The following TBX4 variants were observed in gnomAD, a reference collection of about 807,000 sequenced individuals.
TBX4 encodes the protein T-box transcription factor TBX4.
A neutral mutation model predicts 54.6 loss-of-function variants in TBX4; 13 were observed. The observed-to-expected ratio is 0.24, with a 90% CI of 0.15 to 0.38. TBX4 has a LOEUF of 0.38. Ranked by LOEUF, TBX4 falls within the 10% of genes least tolerant of loss-of-function variation. TBX4 has a pLI of 1.00. For synonymous variants in TBX4, 314 were observed against 306.7 expected, an observed-to-expected ratio of 1.02 and a Z score of -0.25; for missense variants, 631 against 728.5, an observed-to-expected ratio of 0.87 and a Z score of 1.54.
intron 5 of TBX4, among the ~76,000 whole-genome samples, chr17:61,469,534 C>G (rs543033257): frequency 1.6e-4 from 24 of 152,324 alleles, no homozygotes; most frequent in Non-Finnish European, 3.2e-4. Context: ...CACACTTACC[C>G]AGTACTTGCA....
At chr17:61,456,951 T>C (rs1017241728) in intron 2 of TBX4, among the ~76,000 whole-genome samples, 1 of 152,148 alleles carries the variant, frequency 6.6e-6, no homozygotes, top group African/African-American at 2.4e-5. Flanking sequence ...GAGACCCCCG[T>C]AGCATCTGAG....
chr17:61,471,892 A>AT (rs35198276), intron 5 of TBX4, among the ~76,000 whole-genome samples: 798 of 72,908 alleles, frequency 0.011, 27 homozygotes, highest in African/African-American at 0.02. Flanking sequence ...TGCCCAGCTA[A>AT]TTTTTTTTTT....
chr17:61,460,568 G>A lies in TBX4; in HGVS notation c.281+2937G>A, dbSNP rs1245090057. 6.6e-6 allele frequency among the ~76,000 whole-genome samples: 1 copy of A among 152,120 alleles called. No homozygotes were observed. Among genetic ancestry groups the A allele is most frequent in the African/African-American group, 2.4e-5 (1 of 41,430 alleles). Reference sequence around the variant, plus strand: ...TGTCAGGTGTGAAATGGGGGCCACAGCCCTCCGCAGCCCGTCTCAGTCTCT... The same window carrying A: ...TGTCAGGTGTGAAATGGGGGCCACAACCCTCCGCAGCCCGTCTCAGTCTCT... On this transcript the variant is annotated intron_variant, in intron 3 of 8. Coordinates refer to ENST00000644296, the MANE Select transcript of TBX4 (RefSeq NM_001321120.2). The surrounding 1 kb of genome is among the most constrained non-coding windows in gnomAD (Gnocchi z 4.4).
Position 61,478,658 on chromosome 17 carries a change from C to T in TBX4, c.581C>T (p.Pro194Leu), listed in dbSNP as rs1291057135. 3 of 1,614,082 alleles carry T rather than the reference C, an allele frequency of 1.9e-6. No individual in the cohort carries two copies. The highest frequency in any genetic ancestry group is 1.1e-5 in the South Asian group (1 of 91,074). ...CTCAACTCTATGCACAAGTACCAGC[C>T]GCGGCTCCACATCGTTAAGGCTGAT... The part of the protein sequence containing the change: ...IILNSMHKYQ[P>L]RLHIVKADEN... The change falls in exon 6 of 9, where the codon CCG becomes CTG. Residue 194 changes from proline (P) to leucine (L), a missense_variant. Pro to Leu is a moderately conservative substitution (Grantham distance 98). Around this residue, in one of 3 missense-constraint regions of TBX4, gnomAD observed 154 missense variants for 238.6 expected, o/e 0.65. Coordinates refer to ENST00000644296, the MANE Select transcript of TBX4 (RefSeq NM_001321120.2). This position sits in a 1 kb window ranked among gnomAD's most constrained non-coding sequence, Gnocchi z 7.4.
chr17:61,483,446 C>G lies in TBX4; in HGVS notation c.1571C>G (p.Ser524Cys). 1 of 1,614,182 alleles carries G rather than the reference C, an allele frequency of 6.2e-7. No individual in the cohort carries two copies. Among genetic ancestry groups the G allele is most frequent in the African/African-American group, 1.3e-5 (1 of 75,046 alleles). Residue 524 changes from serine to cysteine, a missense_variant, in exon 9 of 9, where the codon TCC becomes TGC. Physicochemically the swap from Ser to Cys is moderately radical, Grantham distance 112 (BLOSUM62 -1). Coordinates refer to ENST00000644296, the MANE Select transcript of TBX4 (RefSeq NM_001321120.2). The surrounding 1 kb of genome is among the most constrained non-coding windows in gnomAD (Gnocchi z 6.6). ...ANEFLYSQTF[S>C]LSRESSLQYH... ...GAGTTTCTCTACTCTCAAACCTTCTCCTTGTCCCGAGAATCTTCCTTACAG... is the reference window on the plus strand; with the variant it reads ...GAGTTTCTCTACTCTCAAACCTTCTGCTTGTCCCGAGAATCTTCCTTACAG...
rs2060615552 is a variant in TBX4, at chr17:61,475,730, C to T, written c.550-2897C>T. On this transcript the variant is annotated intron_variant, in intron 5 of 8. Coordinates refer to ENST00000644296, the MANE Select transcript of TBX4 (RefSeq NM_001321120.2). The surrounding 1 kb of genome is among the most constrained non-coding windows in gnomAD (Gnocchi z 5.0). ...GAGCAGGGTGGCTGCTGCCATGTGT[C>T]CTAGTGTCCTGCACAGCCTTCATGA... Among the ~76,000 whole-genome samples, 1 of 152,084 alleles carries T rather than the reference C, an allele frequency of 6.6e-6. No individual in the cohort carries two copies. The highest frequency in any genetic ancestry group is 2.1e-4 in the South Asian group (1 of 4,824).
At chr17:61,473,934 A>C (rs1329887691) in intron 5 of TBX4, among the ~76,000 whole-genome samples, 1 of 152,160 alleles carries the variant, frequency 6.6e-6, no homozygotes. Context: ...TGTTGCTCGC[A>C]TGGGAGTGAT....
At chr17:61,456,819 T>G (rs2060454152) in intron 2 of TBX4, 143 bp downstream of exon 2, 1 of 582,052 alleles carries the variant, frequency 1.7e-6, no homozygotes, top group East Asian at 3.9e-5. Context: ...CCGTTCGTTC[T>G]CCACTGGACA....
rs1470881366 is a variant in TBX4, at chr17:61,479,114, G to C, written c.702+335G>C. ...TCATTCCACAATGTTCTTTCTCCTG[G>C]TTCATCTCCTGGTGCCTTCAGAGAC... On this transcript the variant is annotated intron_variant, in intron 6 of 8. Transcript: ENST00000644296. This position sits in a 1 kb window ranked among gnomAD's most constrained non-coding sequence, Gnocchi z 6.1. Among the ~76,000 whole-genome samples the C allele has an allele frequency of 6.6e-6, 1 of 152,158 alleles. No individual in the cohort carries two copies.
chr17:61,458,866 A>G (rs2060473804), intron 3 of TBX4, among the ~76,000 whole-genome samples: 1 of 152,234 alleles, frequency 6.6e-6, no homozygotes, highest in African/African-American at 2.4e-5. Context: ...AGTGAATGAT[A>G]GACTATTCAA....
rs117410176 is a variant in TBX4, at chr17:61,456,506, G to A, written c.16G>A (p.Gly6Ser). MLQDK[G>S]LSESEEAFRA... ...CCCGCAGGAGATGCTGCAGGATAAG[G>A]GCCTGTCCGAGAGCGAGGAGGCCTT... is the stretch of plus-strand genomic sequence containing the variant. The change falls in exon 2 of 9, where the codon GGC becomes AGC. Residue 6 changes from glycine to serine, a missense_variant. Coordinates refer to ENST00000644296, the MANE Select transcript of TBX4 (RefSeq NM_001321120.2). 2,824 of 1,569,902 alleles carry A rather than the reference G, an allele frequency of 1.8e-3. 6 individuals are homozygous for A. Among genetic ancestry groups the A allele is most frequent in the Non-Finnish European group, 2.2e-3 (2,573 of 1,158,062 alleles).
Position 61,478,932 on chromosome 17 carries a change from C to T in TBX4, c.702+153C>T, listed in dbSNP as rs1021606354. The T allele has an allele frequency of 8.6e-6, 10 of 1,169,276 alleles. No individual in the cohort carries two copies. Among genetic ancestry groups the T allele is most frequent in the African/African-American group, 4.6e-5 (3 of 64,918 alleles). The allele number at this position is 1,169,276 out of a possible 1,614,324, so 72.4% of individuals were successfully genotyped here. On this transcript the variant is annotated intron_variant, in intron 6 of 8. Coordinates refer to ENST00000644296, the MANE Select transcript of TBX4 (RefSeq NM_001321120.2). This position sits in a 1 kb window ranked among gnomAD's most constrained non-coding sequence, Gnocchi z 7.4. ...TCAGAAGCCTAGAGTCCCTCGGAGC[C>T]GCGAGCAAATCGAATGATGAACAGA...
At chr17:61,469,730 A>T (rs933275763) in intron 5 of TBX4, among the ~76,000 whole-genome samples, 6 of 152,176 alleles carry the variant, frequency 3.9e-5, no homozygotes, top group African/African-American at 1.4e-4. Flanking sequence ...GGCCATTCAG[A>T]CAAGGGCTGT....
Position 61,482,965 on chromosome 17 carries a change from G to C in TBX4, c.1090G>C (p.Glu364Gln). The change falls in exon 9 of 9, where the codon GAG becomes CAG. Residue 364 changes from glutamate to glutamine, a missense_variant. By Grantham distance (29) the Glu-to-Gln change is conservative. Coordinates refer to ENST00000644296, the MANE Select transcript of TBX4 (RefSeq NM_001321120.2). ...SYLEAPSSVG[E>Q]DHYFRSPPPY... ...TCTGGAAGCCCCCTCTTCGGTGGGG[G>C]AGGATCACTATTTCCGTTCCCCCCC... 1.9e-6 allele frequency: 3 copies of C among 1,614,000 alleles called. No individual in the cohort carries two copies. Among genetic ancestry groups the C allele is most frequent in the Non-Finnish European group, 2.5e-6 (3 of 1,179,972 alleles).
rs1285411305 is a variant in TBX4 at position 61,483,116 on chromosome 17, C to G, written c.1241C>G (p.Pro414Arg). 4 of 1,614,030 alleles carry G rather than the reference C, an allele frequency of 2.5e-6. No individual in the cohort carries two copies. Among genetic ancestry groups the G allele is most frequent in the Non-Finnish European group, 2.5e-6 (3 of 1,180,032 alleles). The change falls in exon 9 of 9, where the codon CCT becomes CGT. Residue 414 changes from proline (P) to arginine (R), a missense_variant. By Grantham distance (103) the Pro-to-Arg change is moderately radical. This residue lies in a region of TBX4 where 354 missense variants were observed against 368.9 expected (regional missense o/e 0.96). Transcript: ENST00000644296. The surrounding 1 kb of genome is among the most constrained non-coding windows in gnomAD (Gnocchi z 6.6). ...TCTGGGGTGGACGACCTGCCCCCAC[C>G]TCCGCTGAGCTGTAACATGTGGACT... is the stretch of plus-strand genomic sequence containing the variant. ...GVSGVDDLPP[P>R]PLSCNMWTSV...
chr17:61,477,951 A>G (rs2060633467), intron 5 of TBX4, among the ~76,000 whole-genome samples: 5 of 151,688 alleles, frequency 3.3e-5, no homozygotes, highest in African/African-American at 9.7e-5. Context: ...CAAAAAAAAA[A>G]AAAAAAAAGA....
intron 5 of TBX4, among the ~76,000 whole-genome samples, chr17:61,477,849 G>A (rs934951937): frequency 1.3e-5 from 2 of 149,990 alleles, no homozygotes; most frequent in African/African-American, 4.9e-5. Context: ...GCTGAGGTAC[G>A]AGAATCGCTT....
chr17:61,454,774 C>T (rs974601798), intron 1 of TBX4, among the ~76,000 whole-genome samples: 5 of 152,314 alleles, frequency 3.3e-5, no homozygotes, highest in African/African-American at 9.6e-5. Flanking sequence ...CGCAGGGCTC[C>T]GCTGCACGGC....
chr17:61,456,511 G>A lies in TBX4; in HGVS notation c.21G>A (p.Leu7=). 6.4e-7 allele frequency: 1 copy of A among 1,568,546 alleles called. No homozygotes were observed. The highest frequency in any genetic ancestry group is 1.7e-4 in the Middle Eastern group (1 of 5,940). The part of the protein sequence containing the change: MLQDKG[L]SESEEAFRAP... ...AGGAGATGCTGCAGGATAAGGGCCT[G>A]TCCGAGAGCGAGGAGGCCTTCCGGG... The change falls in exon 2 of 9, where the codon CTG becomes CTA. Residue 7 remains leucine, a synonymous_variant. Coordinates refer to ENST00000644296, the MANE Select transcript of TBX4 (RefSeq NM_001321120.2).
Sources: gnomAD v4.1 joint callset for allele counts (sites outside exome capture counted in the v4.1 genomes callset) on GRCh38, gnomAD v4.1.1 for gene constraint, gnomAD v4.1.1 regional missense constraint, Gnocchi (gnomAD v3.1) non-coding constraint, MANE v1.5 for transcripts, NCBI Gene and HGNC (gene_info 2026-07-23, HGNC 2026-07-21) for gene names.